PFKFB3: variants seen among roughly 807,000 people sequenced by gnomAD.
The protein encoded by PFKFB3 is 6-phosphofructo-2-kinase/fructose-2,6-bisphosphatase 3.
A neutral mutation model predicts 68.0 loss-of-function variants in PFKFB3; 33 were observed. The ratio of observed to expected loss-of-function variants is 0.49; its 90% confidence interval spans 0.37 to 0.65. PFKFB3 has a LOEUF of 0.65. Ranked by LOEUF, PFKFB3 falls within the 30% of genes least tolerant of loss-of-function variation. The pLI, the probability that PFKFB3 is intolerant of heterozygous loss-of-function variation, is 0.00. For missense variants in PFKFB3, 586 were observed against 712.2 expected, an observed-to-expected ratio of 0.82 and a Z score of 2.02; for synonymous variants, 315 against 288.2, an observed-to-expected ratio of 1.09 and a Z score of -0.94.
the PFKFB3 span, among the ~76,000 whole-genome samples, chr10:6,324,928 A>G: frequency 5.7e-3 from 869 of 152,260 alleles, 8 homozygotes; most frequent in African/African-American, 0.019. Flanking sequence ...CCATAAATAC[A>G]TACATAGGTA....
chr10:6,288,360 C>T, the PFKFB3 span, among the ~76,000 whole-genome samples: 2 of 111,278 alleles, frequency 1.8e-5, no homozygotes, highest in Non-Finnish European at 3.6e-5. Context: ...CCCCTCCCCC[C>T]ACCCCACAAC....
At chr10:6,203,957 G>C (rs906715205) in intron 1 of PFKFB3, among the ~76,000 whole-genome samples, 2 of 152,198 alleles carry the variant, frequency 1.3e-5, no homozygotes, top group African/African-American at 4.8e-5. Flanking sequence ...GGGGGCGCCC[G>C]TGCTGGGGGC....
rs1031306731 is a variant in PFKFB3, at chr10:6,223,860, A to C, written c.1214-98A>C. The C allele has an allele frequency of 4.3e-5, 44 of 1,015,942 alleles. No homozygotes were observed. In the Admixed American group the frequency reaches 7.5e-4, roughly 17 times the overall value. The allele number at this position is 1,015,942 out of a possible 1,614,324, so 62.9% of individuals were successfully genotyped here. On this transcript the variant is annotated intron_variant, in intron 11 of 14. Transcript: ENST00000379775. ...TTGAACTCCTGACCTCAGGTGATCC[A>C]CCTGCCTCGGCCTCCCAAAGTGCTG...
chr10:6,224,182 A>T lies in PFKFB3; in HGVS notation c.1310A>T (p.Glu437Val). The T allele has an allele frequency of 6.2e-7, 1 of 1,614,084 alleles. No homozygotes were observed. The highest frequency in any genetic ancestry group is 8.5e-7 in the Non-Finnish European group (1 of 1,179,990). Reference protein sequence around the residue: ...CRVESIYLNVESVCTHRERSE... With the variant: ...CRVESIYLNVVSVCTHRERSE... ...GTGGAATCCATCTACCTGAACGTGG[A>T]GTCCGTCTGCACACACCGGGAGAGG... Residue 437 changes from glutamate to valine, a missense_variant, in exon 13 of 15, where the codon GAG (glutamate) becomes GTG (valine). Transcript: ENST00000379775.
the PFKFB3 span, among the ~76,000 whole-genome samples, chr10:6,302,641 A>G: frequency 2.0e-5 from 3 of 150,800 alleles, no homozygotes; most frequent in African/African-American, 7.3e-5. Flanking sequence ...TCGGCCTCCC[A>G]AAGTGCTGGG....
chr10:6,180,492 G>A (rs1180416472), intron 1 of PFKFB3, among the ~76,000 whole-genome samples: 2 of 151,942 alleles, frequency 1.3e-5, no homozygotes, highest in Non-Finnish European at 2.9e-5. Context: ...TTTTGACAGA[G>A]TCTCCCACTT....
At chr10:6,288,375 C>T in the PFKFB3 span, among the ~76,000 whole-genome samples, 1 of 122,940 alleles carries the variant, frequency 8.1e-6, no homozygotes, top group African/African-American at 3.1e-5. Flanking sequence ...CACAACAGTC[C>T]CCAGAGTGTG....
In PFKFB3 at chr10:6,228,187, C is replaced by A; in HGVS notation, c.1515+1822C>A. ...CTGACTGACTTCTCTCTCTGCTTCTCCTCCGCAGCCTTTGCTAGGGCAAGC... is the reference window on the plus strand; with the variant it reads ...CTGACTGACTTCTCTCTCTGCTTCTACTCCGCAGCCTTTGCTAGGGCAAGC... On this transcript the variant is annotated intron_variant, in intron 14 of 14. Transcript: ENST00000379775. This position sits in a 1 kb window ranked among gnomAD's most constrained non-coding sequence, Gnocchi z 4.5. 1 of 1,612,760 alleles carries A rather than the reference C, an allele frequency of 6.2e-7. No individual in the cohort carries two copies. Among genetic ancestry groups the A allele is most frequent in the Non-Finnish European group, 8.5e-7 (1 of 1,179,836 alleles).
At chr10:6,213,432 ATTGT>A (rs1844359306) in intron 1 of PFKFB3, among the ~76,000 whole-genome samples, 187 bp from the exon 2 acceptor site, 1 of 152,094 alleles carries the variant, frequency 6.6e-6, no homozygotes, top group Non-Finnish European at 1.5e-5. Context: ...AGGCCGGAGG[ATTGT>A]TTAAGTCTAG....
downstream of PFKFB3, among the ~76,000 whole-genome samples, chr10:6,255,779 G>A (rs966581612): frequency 3.9e-5 from 6 of 152,286 alleles, no homozygotes; most frequent in East Asian, 9.6e-4. Flanking sequence ...CTGGGTAGGC[G>A]GGGTACGAAG....
chr10:6,256,693 C>A (rs1456378845), downstream of PFKFB3, among the ~76,000 whole-genome samples: 1 of 152,216 alleles, frequency 6.6e-6, no homozygotes, highest in Non-Finnish European at 1.5e-5. Flanking sequence ...ATTTTGCAAT[C>A]CTGAAACTTC....
intron 1 of PFKFB3, among the ~76,000 whole-genome samples, chr10:6,212,319 C>A (rs2131928736): frequency 6.6e-6 from 1 of 152,354 alleles, no homozygotes; most frequent in South Asian, 2.1e-4. Flanking sequence ...GAACAGGGGG[C>A]TTCTGGCTGC....
chr10:6,162,501 A>G (rs751846093), intron 1 of PFKFB3, among the ~76,000 whole-genome samples: 1 of 152,176 alleles, frequency 6.6e-6, no homozygotes, highest in African/African-American at 2.4e-5. Context: ...CATTTTTGTC[A>G]TTCTTTCCAC....
At chr10:6,286,480 T>A in the PFKFB3 span, among the ~76,000 whole-genome samples, 1 of 151,918 alleles carries the variant, frequency 6.6e-6, no homozygotes, top group Non-Finnish European at 1.5e-5. Flanking sequence ...TGGGTTCAAG[T>A]GATTCTCCTG....
At chr10:6,183,502 A>G (rs972937530) in intron 1 of PFKFB3, among the ~76,000 whole-genome samples, 1 of 151,434 alleles carries the variant, frequency 6.6e-6, no homozygotes, top group African/African-American at 2.4e-5. Flanking sequence ...TGAAAACTGG[A>G]GTCTGGCCTG....
intron 1 of PFKFB3, among the ~76,000 whole-genome samples, chr10:6,150,814 A>G (rs1418333203): frequency 1.3e-5 from 2 of 152,200 alleles, no homozygotes; most frequent in African/African-American, 4.8e-5. Context: ...CCTGACCAAC[A>G]TGGTGAAACC....
chr10:6,167,810 C>T (rs1409663338), intron 1 of PFKFB3, among the ~76,000 whole-genome samples: 1 of 152,172 alleles, frequency 6.6e-6, no homozygotes, highest in Non-Finnish European at 1.5e-5. Flanking sequence ...TGGTCTCATT[C>T]CTCTCCTACG....
Position 6,204,406 on chromosome 10 carries a change from G to C in PFKFB3, c.76+1070G>C, listed in dbSNP as rs181915722. 1.7e-3 allele frequency among the ~76,000 whole-genome samples: 265 copies of C among 152,376 alleles called. 2 individuals are homozygous for C. Among genetic ancestry groups the C allele is most frequent in the African/African-American group, 5.5e-3 (230 of 41,590 alleles). On this transcript the variant is annotated intron_variant, in intron 1 of 14. Coordinates refer to ENST00000379775, the MANE Select transcript of PFKFB3 (RefSeq NM_004566.4). ...CTGAGCGCAGGCGGCTGGCAGGCAG[G>C]GTTGCCCGGCTACTACGTTTCTTAG... is the stretch of plus-strand genomic sequence containing the variant.
intron 1 of PFKFB3, among the ~76,000 whole-genome samples, chr10:6,186,533 T>C (rs1222677335): frequency 1.3e-5 from 2 of 152,254 alleles, no homozygotes; most frequent in Non-Finnish European, 2.9e-5. Context: ...TGCTATTTAG[T>C]TATCAGGGGA....
Sources: allele counts gnomAD v4.1 joint callset (sites outside exome capture counted in the v4.1 genomes callset), GRCh38; gene constraint gnomAD v4.1.1; non-coding constraint Gnocchi (gnomAD v3.1); transcripts MANE v1.5; gene names NCBI Gene and HGNC (gene_info 2026-07-23, HGNC 2026-07-21).